SDC3: variants seen among roughly 807,000 people sequenced by gnomAD.
The protein encoded by SDC3 is syndecan-3.
A neutral mutation model predicts 24.4 loss-of-function variants in SDC3; 13 were observed. The ratio of observed to expected loss-of-function variants is 0.53; its 90% CI spans 0.35 to 0.85. The LOEUF (loss-of-function observed/expected upper bound fraction) is 0.85. Ranked by LOEUF, SDC3 falls within the 40% of genes least tolerant of loss-of-function variation. The pLI, the probability that SDC3 is intolerant of heterozygous loss-of-function variation, is 0.01. For missense variants in SDC3, 571 were observed against 584.5 expected (o/e 0.98, Z 0.24); for synonymous variants, 295 against 260.9 (o/e 1.13, Z -1.26).
At chr1:30,887,478 G>A (rs1252355744) in intron 1 of SDC3, among the ~76,000 whole-genome samples, 2 of 152,110 alleles carry the variant, frequency 1.3e-5, no homozygotes, top group African/African-American at 4.8e-5. Flanking sequence ...TAGGCAGTTA[G>A]TAGGCACTGG....
chr1:30,873,518 A>G (rs1294468931), intron 4 of SDC3, 141 bp from the exon 5 acceptor site: 6 of 616,674 alleles, frequency 9.7e-6, no homozygotes, highest in African/African-American at 3.7e-5. Context: ...CAATACTACT[A>G]CTACCAGCAC....
chr1:30,891,340 C>T lies in SDC3; in HGVS notation c.139-12600G>A, dbSNP rs369562912. On this transcript the variant is annotated intron_variant, in intron 1 of 4. Transcript: ENST00000339394. ...TCACCTGGCTCCCAAGCACCAGCTC[C>T]GCCCAGCACAGCTGGCAGCCGCCAA... Among the ~76,000 whole-genome samples, 440 of 152,366 alleles carry T rather than the reference C, an allele frequency of 2.9e-3. 1 individual carries two copies. Among genetic ancestry groups the T allele is most frequent in the African/African-American group, 0.01 (426 of 41,596 alleles).
At position 30,871,982 on chromosome 1, in the gene SDC3, T is replaced by C. The variant is rs1639546928; in HGVS notation, c.*1229A>G. ...TGCATGCAATGCCCTAAAAGGGCTG[T>C]GGCCCCACACTTTTTCCGAGAAAGG... On this transcript the variant is annotated 3_prime_UTR_variant, in exon 5 of 5. Transcript: ENST00000339394. 1 of 152,314 alleles carries C rather than the reference T, an allele frequency of 6.6e-6. No homozygotes were observed. The highest frequency in any genetic ancestry group is 2.4e-5 in the African/African-American group (1 of 41,472). 9.4% of individuals were successfully genotyped at this position (152,314 alleles called of 1,614,324 possible). A position where few individuals can be genotyped will look rare whatever the true frequency, so the allele number is the denominator to read the frequency against.
chr1:30,892,367 GC>G (rs1390928790), intron 1 of SDC3, among the ~76,000 whole-genome samples: 1 of 152,124 alleles, frequency 6.6e-6, no homozygotes, highest in Non-Finnish European at 1.5e-5. Flanking sequence ...CACCAGCTTG[GC>G]CCCCTCCCCT....
chr1:30,899,981 C>T (rs549735867), intron 1 of SDC3, among the ~76,000 whole-genome samples: 1 of 152,234 alleles, frequency 6.6e-6, no homozygotes, highest in East Asian at 1.9e-4. Flanking sequence ...GCCTGATGCC[C>T]TTGTGTGGGG....
chr1:30,906,956 G>A (rs1311111535), intron 1 of SDC3, among the ~76,000 whole-genome samples: 1 of 152,182 alleles, frequency 6.6e-6, no homozygotes, highest in East Asian at 1.9e-4. Flanking sequence ...ACTTCACACA[G>A]GTCAGCCCTC....
intron 1 of SDC3, 30 bp from the exon 2 acceptor site, chr1:30,878,770 C>G: frequency 6.3e-7 from 1 of 1,596,998 alleles, no homozygotes; most frequent in Middle Eastern, 1.7e-4. Context: ...ACACAGGGCT[C>G]GGCACCCGAG....
intron 1 of SDC3, among the ~76,000 whole-genome samples, chr1:30,894,304 G>GT (rs1570019567): frequency 7.6e-6 from 1 of 130,922 alleles, no homozygotes; most frequent in Admixed American, 7.7e-5. Context: ...AGTGTGTGGG[G>GT]GTGTGTGTGC....
At chr1:30,901,609 C>T (rs539087888) in intron 1 of SDC3, among the ~76,000 whole-genome samples, 25 of 152,268 alleles carry the variant, frequency 1.6e-4, no homozygotes, top group Admixed American at 1.4e-3. Flanking sequence ...TTAAGTCCTG[C>T]TGGCTCCAAC....
intron 1 of SDC3, among the ~76,000 whole-genome samples, chr1:30,899,784 C>G (rs1222265798): frequency 7.9e-5 from 12 of 152,218 alleles, no homozygotes; most frequent in Non-Finnish European, 1.5e-4. Context: ...AAAGCACATG[C>G]ACCTGCCACC....
At chr1:30,903,981 T>G (rs1638464787) in intron 1 of SDC3, among the ~76,000 whole-genome samples, 1 of 152,114 alleles carries the variant, frequency 6.6e-6, no homozygotes, top group Non-Finnish European at 1.5e-5. Flanking sequence ...CCCAGCACTT[T>G]GCGGGGGCCG....
chr1:30,908,194 C>G lies in SDC3; in HGVS notation c.138+255G>C, dbSNP rs973669142. Among the ~76,000 whole-genome samples the G allele has an allele frequency of 2.0e-5, 3 of 151,726 alleles. No individual in the cohort carries two copies. In the South Asian group the frequency reaches 6.2e-4, roughly 32 times the overall value. Reference sequence around the variant, plus strand: ...CCAAAAGGAAGGAGAGATGCGCCCCCCGAAGATGACCAGCGGCGGGGGCGG... The same window carrying G: ...CCAAAAGGAAGGAGAGATGCGCCCCGCGAAGATGACCAGCGGCGGGGGCGG... On this transcript the variant is annotated intron_variant, in intron 1 of 4. Transcript: ENST00000339394.
chr1:30,882,737 A>T (rs1639764767), intron 1 of SDC3, among the ~76,000 whole-genome samples: 1 of 152,174 alleles, frequency 6.6e-6, no homozygotes, highest in Non-Finnish European at 1.5e-5. Context: ...AGCCCACTCC[A>T]GAATTTGGGG....
chr1:30,905,123 CA>C (rs566650213), intron 1 of SDC3, among the ~76,000 whole-genome samples: 42 of 152,168 alleles, frequency 2.8e-4, no homozygotes, highest in Non-Finnish European at 5.3e-4. Flanking sequence ...CAGAACAGCC[CA>C]GGGGCCCCCA....
intron 1 of SDC3, among the ~76,000 whole-genome samples, chr1:30,905,226 G>A (rs1638493604): frequency 6.6e-6 from 1 of 152,052 alleles, no homozygotes; most frequent in African/African-American, 2.4e-5. Flanking sequence ...GAGCAGGGAT[G>A]CTTGAAACAG....
Position 30,873,139 on chromosome 1 carries a change from G to T in SDC3, c.*72C>A. 8.7e-7 allele frequency: 1 copy of T among 1,148,394 alleles called. No homozygotes were observed. Among genetic ancestry groups the T allele is most frequent in the Non-Finnish European group, 1.3e-6 (1 of 768,982 alleles). The allele number at this position is 1,148,394 out of a possible 1,614,324, so 71.1% of individuals were successfully genotyped here. A position where few individuals can be genotyped will look rare whatever the true frequency, so the allele number is the denominator to read the frequency against. ...AGGTTCCAGGCCCAGTCCCAGGCTT[G>T]GGCTGGTGGGGCCAGGCTGGGGACT... On this transcript the variant is annotated 3_prime_UTR_variant, in exon 5 of 5. Transcript: ENST00000339394.
At chr1:30,883,355 G>A (rs940441342) in intron 1 of SDC3, among the ~76,000 whole-genome samples, 1 of 152,176 alleles carries the variant, frequency 6.6e-6, no homozygotes, top group Non-Finnish European at 1.5e-5. Flanking sequence ...AGTTCTGCCC[G>A]AGCTTCCTTC....
rs1350854866 is a variant in SDC3, at chr1:30,877,178, G to A, written c.257-13C>T. On this transcript the variant is annotated splice_polypyrimidine_tract_variant and intron_variant, in intron 2 of 4. Transcript: ENST00000339394. ...TCCTGCTCGAAGTCTGAGGGGGTGG[G>A]GGAGAGGGAGAGAGCTAGGGAGCTG... The A allele has an allele frequency of 2.5e-6, 4 of 1,613,488 alleles. No homozygotes were observed. Among genetic ancestry groups the A allele is most frequent in the Non-Finnish European group, 3.4e-6 (4 of 1,179,960 alleles).
chr1:30,887,431 C>G (rs1364247025), intron 1 of SDC3, among the ~76,000 whole-genome samples: 1 of 152,166 alleles, frequency 6.6e-6, no homozygotes, highest in Non-Finnish European at 1.5e-5. Context: ...TGATCCCCAA[C>G]ACACAGAGAT....
Sources: allele counts gnomAD v4.1 joint callset (sites outside exome capture counted in the v4.1 genomes callset), GRCh38; gene constraint gnomAD v4.1.1; transcripts MANE v1.5; gene names NCBI Gene and HGNC (gene_info 2026-07-23, HGNC 2026-07-21).